MCF2: variants seen among roughly 807,000 people sequenced by gnomAD.
The protein encoded by MCF2 is MCF.2 cell line derived transforming sequence, also known as proto-oncogene DBL.
Under a neutral mutation model 82.5 loss-of-function variants are expected in MCF2, and 44 were observed. The ratio of observed to expected loss-of-function variants is 0.53; its 90% CI spans 0.42 to 0.69. MCF2 has a LOEUF of 0.69. MCF2 is among the 30% of genes least tolerant of loss of function. The probability of loss-of-function intolerance (pLI) is 0.00; values close to 1 mark genes in which losing one functional copy is unlikely to be tolerated. For missense variants in MCF2, 623 were observed against 663.1 expected (o/e 0.94, Z 0.66); for synonymous variants, 217 against 224.9 (o/e 0.96, Z 0.32).
At chrX:139,686,153 A>T (rs377612212) in intron 1 of MCF2, among the ~76,000 whole-genome samples, 10 of 110,751 alleles carry the variant, frequency 9.0e-5, no homozygotes, top group African/African-American at 3.3e-4. Context: ...ACAAACCCAC[A>T]GCCGACATCA....
chrX:139,632,290 T>A, intron 2 of MCF2, 45 bp downstream of exon 5: 1 of 1,078,512 alleles, frequency 9.3e-7, no homozygotes, highest in Non-Finnish European at 1.3e-6. Flanking sequence ...GTACAGGTCT[T>A]CATGAGAATT....
chrX:139,681,082 C>T (rs1267940984), intron 1 of MCF2, among the ~76,000 whole-genome samples: 1 of 112,253 alleles, frequency 8.9e-6, no homozygotes, highest in East Asian at 2.8e-4. Context: ...CTTCTAATTG[C>T]CATCAAAGAG....
At chrX:139,591,110 C>T (rs1929482147) in intron 19 of MCF2, among the ~76,000 whole-genome samples, 1 of 110,961 alleles carries the variant, frequency 9.0e-6, no homozygotes, top group East Asian at 2.8e-4. Flanking sequence ...AGCTGGAAGG[C>T]CCACAGGCTT....
intron 1 of MCF2, among the ~76,000 whole-genome samples, chrX:139,665,709 T>G (rs1934489686): frequency 9.2e-6 from 1 of 108,918 alleles, no homozygotes; most frequent in Non-Finnish European, 1.9e-5. Context: ...AATTTGGTGT[T>G]CCTGCAGGGG....
chrX:139,619,353 C>T (rs777774200), intron 7 of MCF2, among the ~76,000 whole-genome samples: 8 of 110,111 alleles, frequency 7.3e-5, no homozygotes, highest in South Asian at 3.9e-4. Context: ...GGAAGGCAAG[C>T]GATAAAAGGC....
chrX:139,620,634 T>C (rs919085106), intron 6 of MCF2, among the ~76,000 whole-genome samples: 7 of 110,861 alleles, frequency 6.3e-5, no homozygotes, highest in Admixed American at 9.6e-5. Flanking sequence ...AAGAATAAAA[T>C]ACCCAGTAAT....
chrX:139,607,224 T>C (rs1931103561), intron 12 of MCF2: 1 of 111,237 alleles, frequency 9.0e-6, no homozygotes, highest in Non-Finnish European at 1.9e-5. Flanking sequence ...TCACAATATA[T>C]ACACATATCA....
intron 13 of MCF2, 45 bp from the exon 18 acceptor site, chrX:139,605,029 C>A (rs760463141): frequency 2.1e-5 from 15 of 726,919 alleles, no homozygotes; most frequent in Non-Finnish European, 2.8e-5. Flanking sequence ...TAATTACATG[C>A]ACATTTGGTT....
At chrX:139,634,640 T>A (rs1933098931) in intron 1 of MCF2, among the ~76,000 whole-genome samples, 1 of 112,094 alleles carries the variant, frequency 8.9e-6, no homozygotes, top group Non-Finnish European at 1.9e-5. Flanking sequence ...TTGGGATGGC[T>A]GTCCAACTCA....
At chrX:139,678,860 A>G (rs1201826900) in intron 1 of MCF2, among the ~76,000 whole-genome samples, 1 of 112,300 alleles carries the variant, frequency 8.9e-6, no homozygotes, top group Non-Finnish European at 1.9e-5. Flanking sequence ...ATCATTACAG[A>G]TGTGTTTTGG....
chrX:139,594,772 C>A (rs1488843593), intron 19 of MCF2, among the ~76,000 whole-genome samples: 1 of 109,710 alleles, frequency 9.1e-6, no homozygotes, highest in South Asian at 4.0e-4. Context: ...AAGAAACTAC[C>A]ATCAGAGTGA....
chrX:139,614,838 C>A, intron 10 of MCF2, 43 bp downstream of exon 13: 2 of 1,114,198 alleles, frequency 1.8e-6, no homozygotes, highest in Non-Finnish European at 2.4e-6. Context: ...ACAATATAAA[C>A]AATAGCAAGA....
intron 1 of MCF2, among the ~76,000 whole-genome samples, chrX:139,675,378 G>C (rs1934834952): frequency 8.9e-6 from 1 of 112,489 alleles, no homozygotes; most frequent in Admixed American, 9.4e-5. Context: ...AGGAGAAAAG[G>C]CTCTCTGGTT....
rs940682961 is a variant in MCF2 at position 139,588,448 on chromosome X, A to T, written c.2371-10T>A. On this transcript the variant is annotated splice_polypyrimidine_tract_variant and intron_variant, in intron 20 of 24. Coordinates refer to ENST00000370576, the Ensembl canonical transcript of MCF2. ...CATCTACATTAGAAGCCTAAAGATTAAAAAAAAAGCGGGAGGGAGGTGGTA... is the reference window on the plus strand; with the variant it reads ...CATCTACATTAGAAGCCTAAAGATTTAAAAAAAAGCGGGAGGGAGGTGGTA... 3.0e-6 allele frequency: 3 copies of T among 989,361 alleles called. No individual in the cohort carries two copies. Among genetic ancestry groups the T allele is most frequent in the African/African-American group, 1.9e-5 (1 of 51,538 alleles). 81.5% of individuals were successfully genotyped at this position (989,361 alleles called of 1,213,427 possible). A position where few individuals can be genotyped will look rare whatever the true frequency, so the allele number is the denominator to read the frequency against.
exon 8 of MCF2, chrX:139,617,689 C>A (rs1569360561): frequency 2.6e-6 from 3 of 1,171,070 alleles, no homozygotes; most frequent in Admixed American, 2.4e-5. Flanking sequence ...ACAAACTGGG[C>A]CTTTGATAAT....
chrX:139,621,006 A>G (rs7890797), intron 6 of MCF2, among the ~76,000 whole-genome samples: 2,008 of 111,710 alleles, frequency 0.018, 44 homozygotes, highest in African/African-American at 0.063. Flanking sequence ...AGACACTTAG[A>G]CCAATGGAAC....
chrX:139,609,822 G>T (rs1931364865), intron 11 of MCF2, among the ~76,000 whole-genome samples: 1 of 111,497 alleles, frequency 9.0e-6, no homozygotes, highest in African/African-American at 3.3e-5. Context: ...TGGCAACATA[G>T]TGAGACCCTG....
At chrX:139,612,662 C>T (rs1440830266) in intron 10 of MCF2, among the ~76,000 whole-genome samples, 1 of 111,757 alleles carries the variant, frequency 8.9e-6, no homozygotes, top group Admixed American at 9.5e-5. Flanking sequence ...GATTAAAAGT[C>T]TTAAGAAATT....
At chrX:139,638,076 C>G (rs1234776064) in intron 1 of MCF2, among the ~76,000 whole-genome samples, 1 of 111,663 alleles carries the variant, frequency 9.0e-6, no homozygotes, top group African/African-American at 3.3e-5. Context: ...GACTTCTGAC[C>G]TCCAGAACCG....
Sources: gnomAD v4.1 joint callset for allele counts (sites outside exome capture counted in the v4.1 genomes callset) on GRCh38, gnomAD v4.1.1 for gene constraint, MANE v1.5 for transcripts, NCBI Gene and HGNC (gene_info 2026-07-23, HGNC 2026-07-21) for gene names.